RPAP2: variants seen among roughly 807,000 people sequenced by gnomAD.
RPAP2 encodes RNA polymerase II associated protein 2.
In RPAP2, 52 loss-of-function variants were observed where a neutral mutation model predicts 73.1. The observed-to-expected ratio is 0.71, with a 90% CI of 0.57 to 0.90. RPAP2 has a LOEUF of 0.90. Ranked by LOEUF, RPAP2 falls within the 40% of genes least tolerant of loss-of-function variation. The pLI is 0.00. For synonymous variants in RPAP2, 225 were observed against 242.1 expected, an observed-to-expected ratio of 0.93 and a Z score of 0.65; for missense variants, 598 against 701.8, an observed-to-expected ratio of 0.85 and a Z score of 1.67.
intron 11 of RPAP2, among the ~76,000 whole-genome samples, chr1:92,372,024 GTA>G: frequency 6.6e-6 from 1 of 151,894 alleles, no homozygotes; most frequent in East Asian, 1.9e-4. Context: ...ATAAAAATAA[GTA>G]TATGAGGTAA....
chr1:92,320,841 T>C (rs1344978399), intron 7 of RPAP2, among the ~76,000 whole-genome samples: 1 of 152,214 alleles, frequency 6.6e-6, no homozygotes, highest in Non-Finnish European at 1.5e-5. Context: ...TGATTTATTG[T>C]ACAGCTGTTC....
intron 11 of RPAP2, among the ~76,000 whole-genome samples, chr1:92,346,651 A>G (rs987567241): frequency 4.6e-5 from 7 of 152,206 alleles, no homozygotes; most frequent in Non-Finnish European, 8.8e-5. Flanking sequence ...AGTTTTTCAA[A>G]TTAATGTACA....
rs553722222 is a variant in RPAP2, at chr1:92,328,386, CAA to C, written c.1455+4014_1455+4015del. Among the ~76,000 whole-genome samples the C allele has an allele frequency of 4.5e-3, 683 of 152,292 alleles. 3 individuals are homozygous for C. The highest frequency in any genetic ancestry group is 0.016 in the African/African-American group (662 of 41,560). ...TTTTCTTTGTTGGACTGGGTTAATT[CAA>C]AAGCCTTGTCTTGAAGCTCTGAAGT... On this transcript the variant is annotated intron_variant, in intron 8 of 12. Transcript: ENST00000610020.
At chr1:92,311,706 T>C (rs942131263) in intron 6 of RPAP2, among the ~76,000 whole-genome samples, 3 of 152,234 alleles carry the variant, frequency 2.0e-5, no homozygotes, top group Non-Finnish European at 4.4e-5. Context: ...CAGGTTTGGT[T>C]CCAGACCACC....
In RPAP2 at chr1:92,389,280, C is replaced by T. The variant is rs1655969968; in HGVS notation, c.*2269C>T. 6.5e-6 allele frequency: 1 copy of T among 152,862 alleles called. No individual in the cohort carries two copies. The highest frequency in any genetic ancestry group is 6.5e-5 in the Admixed American group (1 of 15,286). The allele number at this position is 152,862 out of a possible 1,614,324, so 9.5% of individuals were successfully genotyped here. On this transcript the variant is annotated 3_prime_UTR_variant, in exon 13 of 13. Coordinates refer to ENST00000610020, the MANE Select transcript of RPAP2 (RefSeq NM_024813.3). The stretch of plus-strand genomic sequence containing the variant: ...GGGTCTGGAGTGGACCTCCAGCAAA[C>T]TCCAACAGACCTGCAGCTAAGGGGC...
rs142324111 is a variant in RPAP2, at chr1:92,362,252, T to C, written c.1688+16338T>C. Among the ~76,000 whole-genome samples the C allele has an allele frequency of 2.2e-3, 342 of 152,338 alleles. 1 individual carries two copies. The highest frequency in any genetic ancestry group is 7.8e-3 in the African/African-American group (325 of 41,586). ...ACACTTCCATTTAGATTGTATATTATAGAGACTCAACAGCTTTTAAATATT... is the reference window on the plus strand; with the variant it reads ...ACACTTCCATTTAGATTGTATATTACAGAGACTCAACAGCTTTTAAATATT... On this transcript the variant is annotated intron_variant, in intron 11 of 12. Transcript: ENST00000610020.
intron 11 of RPAP2, among the ~76,000 whole-genome samples, chr1:92,355,570 T>A (rs1654422014): frequency 6.6e-6 from 1 of 152,234 alleles, no homozygotes; most frequent in South Asian, 2.1e-4. Context: ...GGCAGGGAAA[T>A]ACTAGTCAGT....
At chr1:92,331,180 C>T (rs182635751) in intron 8 of RPAP2, among the ~76,000 whole-genome samples, 36 of 152,322 alleles carry the variant, frequency 2.4e-4, no homozygotes, top group Admixed American at 1.1e-3. Flanking sequence ...TGAATTGAAA[C>T]TCATATCACT....
intron 6 of RPAP2, among the ~76,000 whole-genome samples, chr1:92,314,087 T>G (rs1651758174): frequency 1.3e-5 from 2 of 152,232 alleles, no homozygotes; most frequent in African/African-American, 2.4e-5. Flanking sequence ...TAAGGCTGTT[T>G]TGCTTTTTTG....
intron 10 of RPAP2, among the ~76,000 whole-genome samples, chr1:92,338,505 A>G (rs1653406045): frequency 6.6e-6 from 1 of 152,224 alleles, no homozygotes; most frequent in Non-Finnish European, 1.5e-5. Flanking sequence ...TACACTGATG[A>G]TAAAGTTTAA....
At chr1:92,370,184 C>T (rs2101417060) in intron 11 of RPAP2, among the ~76,000 whole-genome samples, 1 of 152,284 alleles carries the variant, frequency 6.6e-6, no homozygotes, top group African/African-American at 2.4e-5. Flanking sequence ...TGTGCCCAGT[C>T]TATTTTATGA....
rs1557598838 is a variant in RPAP2, at chr1:92,320,639, G to C, written c.524+5G>C. 6.2e-7 allele frequency: 1 copy of C among 1,601,046 alleles called. No individual in the cohort carries two copies. The stretch of plus-strand genomic sequence containing the variant: ...ACTGCTAAAGGAAGAACAAAGGTAT[G>C]GTTGAATCAGTATCATTTACCATTT... On this transcript the variant is annotated splice_donor_5th_base_variant and intron_variant, in intron 7 of 12. Coordinates refer to ENST00000610020, the MANE Select transcript of RPAP2 (RefSeq NM_024813.3).
chr1:92,299,758 G>A (rs1650669460), intron 1 of RPAP2, among the ~76,000 whole-genome samples: 1 of 152,114 alleles, frequency 6.6e-6, no homozygotes, highest in Non-Finnish European at 1.5e-5. Context: ...ATTTACACAC[G>A]ATTGGACATA....
intron 11 of RPAP2, among the ~76,000 whole-genome samples, chr1:92,360,914 T>G (rs931685701): frequency 1.3e-5 from 2 of 152,112 alleles, no homozygotes. Flanking sequence ...AGAATTAATT[T>G]AGGCATTTCT....
chr1:92,368,639 ATC>A (rs1655024308), intron 11 of RPAP2, among the ~76,000 whole-genome samples: 2 of 152,224 alleles, frequency 1.3e-5, no homozygotes, highest in Non-Finnish European at 2.9e-5. Context: ...TTAATTAAAA[ATC>A]TCTCTCTTGA....
In RPAP2 at chr1:92,380,834, G is replaced by A; in HGVS notation, c.1799G>A (p.Ser600Asn). ...ELHLKNEDLE[S>N]LTIIFRTSCL... ...CATCTAAAAAATGAAGACCTTGAAAGTCTAACCATCATATTTAGAACCAGC... is the reference window on the plus strand; with the variant it reads ...CATCTAAAAAATGAAGACCTTGAAAATCTAACCATCATATTTAGAACCAGC... The change falls in exon 12 of 13, where the codon AGT becomes AAT. Residue 600 changes from serine (S) to asparagine (N), a missense_variant. Ser to Asn is a conservative substitution (Grantham distance 46). Around this residue, in one of 3 missense-constraint regions of RPAP2, gnomAD observed 15 missense variants for 33.3 expected, o/e 0.45. Transcript: ENST00000610020. The A allele has an allele frequency of 1.2e-6, 2 of 1,602,976 alleles. No homozygotes were observed. Among genetic ancestry groups the A allele is most frequent in the Non-Finnish European group, 1.7e-6 (2 of 1,176,064 alleles).
rs139698769 is a variant in RPAP2 at position 92,385,294 on chromosome 1, T to C, written c.*-1717T>C. Reference sequence around the variant, plus strand: ...ATTAAAAATCATTTTAACTAGCATATTTTAAACTTGTACATAAACAGATGA... The same window carrying C: ...ATTAAAAATCATTTTAACTAGCATACTTTAAACTTGTACATAAACAGATGA... On this transcript the variant is annotated intron_variant, in intron 12 of 12. Coordinates refer to ENST00000610020, the MANE Select transcript of RPAP2 (RefSeq NM_024813.3). 4.7e-3 allele frequency among the ~76,000 whole-genome samples: 719 copies of C among 152,328 alleles called. 3 individuals are homozygous for C. The highest frequency in any genetic ancestry group is 0.011 in the Admixed American group (171 of 15,298).
intron 6 of RPAP2, among the ~76,000 whole-genome samples, chr1:92,316,561 C>T (rs955207863): frequency 5.9e-5 from 9 of 152,082 alleles, no homozygotes; most frequent in African/African-American, 2.2e-4. Flanking sequence ...CTAATTTATA[C>T]CTTAGTGAAA....
At chr1:92,369,672 T>A (rs1200040392) in intron 11 of RPAP2, among the ~76,000 whole-genome samples, 2 of 152,082 alleles carry the variant, frequency 1.3e-5, no homozygotes, top group African/African-American at 2.4e-5. Flanking sequence ...CCTTTCATTG[T>A]GTATTGGGGT....
Sources: allele counts gnomAD v4.1 joint callset (sites outside exome capture counted in the v4.1 genomes callset), GRCh38; gene constraint gnomAD v4.1.1; regional missense constraint gnomAD v4.1.1; transcripts MANE v1.5; gene names NCBI Gene and HGNC (gene_info 2026-07-23, HGNC 2026-07-21).